EXT2: variants seen among roughly 807,000 people sequenced by gnomAD.
EXT2 encodes the protein exostosin glycosyltransferase 2.
Under a neutral mutation model 81.6 loss-of-function variants are expected in EXT2, and 53 were observed. That is an observed-to-expected ratio of 0.65 (90% CI 0.52 to 0.82). The LOEUF (loss-of-function observed/expected upper bound fraction) is 0.82. Ranked by LOEUF, EXT2 falls within the 40% of genes least tolerant of loss-of-function variation. The pLI is 0.00. For missense variants in EXT2, 774 were observed against 910.2 expected (o/e 0.85, Z 1.93); for synonymous variants, 320 against 340.0 (o/e 0.94, Z 0.65).
intron 11 of EXT2, among the ~76,000 whole-genome samples, chr11:44,233,311 TAGAAA>T (rs1564986984): frequency 1.3e-5 from 2 of 152,192 alleles, no homozygotes; most frequent in African/African-American, 2.4e-5. Context: ...ATATGATTAA[TAGAAA>T]AGAAATGAGC....
Position 44,107,869 on chromosome 11 carries a change from T to G in EXT2, c.157T>G (p.Ser53Ala), listed in dbSNP as rs868252913. 2 of 1,614,014 alleles carry G rather than the reference T, an allele frequency of 1.2e-6. No individual in the cohort carries two copies. The highest frequency in any genetic ancestry group is 1.7e-6 in the Non-Finnish European group (2 of 1,180,028). The change falls in exon 2 of 14, where the codon TCA becomes GCA. Residue 53 changes from serine (S) to alanine (A), a missense_variant. Physicochemically the swap from Ser to Ala is moderately conservative, Grantham distance 99. Coordinates refer to ENST00000533608, the MANE Select transcript of EXT2 (RefSeq NM_207122.2). ...FQFWPHSIES[S>A]NDWNVEKRSI... ...GTTTTGGCCCCATTCTATCGAGTCC[T>G]CAAATGACTGGAATGTAGAGAAGCG...
intron 10 of EXT2, among the ~76,000 whole-genome samples, chr11:44,223,167 T>C (rs929416200): frequency 3.0e-4 from 46 of 152,248 alleles, no homozygotes; most frequent in African/African-American, 1.0e-3. Flanking sequence ...GGACCACTCA[T>C]ATATTGTTTT....
At chr11:44,113,889 G>C (rs1163794511) in intron 3 of EXT2, among the ~76,000 whole-genome samples, 2 of 152,154 alleles carry the variant, frequency 1.3e-5, no homozygotes, top group East Asian at 3.9e-4. Context: ...AATGGGATCT[G>C]AGGGAGGTAG....
rs1173914278 is a variant in EXT2 at position 44,246,089 on chromosome 11, G to T, written c.*1802G>T. 6.6e-6 allele frequency among the ~76,000 whole-genome samples: 1 copy of T among 152,162 alleles called. No individual in the cohort carries two copies. Among genetic ancestry groups the T allele is most frequent in the Non-Finnish European group, 1.5e-5 (1 of 68,034 alleles). On this transcript the variant is annotated 3_prime_UTR_variant, in exon 14 of 14. Coordinates refer to ENST00000533608, the MANE Select transcript of EXT2 (RefSeq NM_207122.2). ...GTATTCATAATATTGGGGACGATAT[G>T]GTAGAAAGCCAGGAAAAATATTTCT...
At chr11:44,148,176 T>G (rs1408579807) in intron 7 of EXT2, among the ~76,000 whole-genome samples, 1 of 152,106 alleles carries the variant, frequency 6.6e-6, no homozygotes, top group Non-Finnish European at 1.5e-5. Context: ...GAAATCAAGG[T>G]AGAAAGAGAT....
At chr11:44,100,837 C>T (rs897126337) in intron 1 of EXT2, among the ~76,000 whole-genome samples, 3 of 152,082 alleles carry the variant, frequency 2.0e-5, no homozygotes, top group Non-Finnish European at 1.5e-5. Context: ...GTGGAGGCAC[C>T]GAGAACTTTG....
At chr11:44,134,214 A>C (rs190167199) in intron 7 of EXT2, among the ~76,000 whole-genome samples, 1 of 152,350 alleles carries the variant, frequency 6.6e-6, no homozygotes. Context: ...CTGACTTCTC[A>C]GTTGGCCTTT....
In EXT2 at chr11:44,108,055, G is replaced by A. The variant is rs1470293557; in HGVS notation, c.343G>A (p.Val115Met). 7 of 1,614,162 alleles carry A rather than the reference G, an allele frequency of 4.3e-6. No individual in the cohort carries two copies. The highest frequency in any genetic ancestry group is 3.3e-5 in the Admixed American group (2 of 60,032). Reference protein sequence around the residue: ...KVYIYALKKYVDDFGVSVSNT... With the variant: ...KVYIYALKKYMDDFGVSVSNT... Reference sequence around the variant, plus strand: ...GTATATCTATGCTCTGAAAAAGTACGTGGATGACTTTGGCGTCTCTGTCAG... The same window carrying A: ...GTATATCTATGCTCTGAAAAAGTACATGGATGACTTTGGCGTCTCTGTCAG... The change falls in exon 2 of 14, where the codon GTG becomes ATG. Residue 115 changes from valine (V) to methionine (M), a missense_variant. Val to Met is a conservative substitution (Grantham distance 21). Around this residue, in one of 2 missense-constraint regions of EXT2, gnomAD observed 626 missense variants for 670.5 expected, o/e 0.93. Coordinates refer to ENST00000533608, the MANE Select transcript of EXT2 (RefSeq NM_207122.2).
chr11:44,215,276 C>T (rs1955704477), intron 10 of EXT2, among the ~76,000 whole-genome samples: 1 of 152,164 alleles, frequency 6.6e-6, no homozygotes, highest in Non-Finnish European at 1.5e-5. Flanking sequence ...GCCTTAGGTG[C>T]ATTTCCAGAT....
chr11:44,241,754 A>G (rs1013437533), intron 13 of EXT2, among the ~76,000 whole-genome samples: 8 of 152,254 alleles, frequency 5.3e-5, no homozygotes, highest in Non-Finnish European at 1.0e-4. Context: ...GGTTACTGAC[A>G]TGGTAGCTGG....
At chr11:44,184,703 A>C (rs1187386725) in intron 8 of EXT2, among the ~76,000 whole-genome samples, 1 of 152,334 alleles carries the variant, frequency 6.6e-6, no homozygotes, top group South Asian at 2.1e-4. Context: ...GTGAGCCGAG[A>C]TGGTGCCACT....
intron 9 of EXT2, among the ~76,000 whole-genome samples, chr11:44,201,984 A>G (rs1441030609): frequency 6.6e-6 from 1 of 152,308 alleles, no homozygotes; most frequent in East Asian, 1.9e-4. Flanking sequence ...TTAATTTGAC[A>G]AAGGGAAAAC....
At position 44,232,387 on chromosome 11, in the gene EXT2, A is replaced by G. The variant is rs1955909665; in HGVS notation, c.1697A>G (p.Tyr566Cys). ...GAATTTCCTGACCGGTTGGTGGGTTACCCGGGTCGTCTGCATCTCTGGGAC... is the reference window on the plus strand; with the variant it reads ...GAATTTCCTGACCGGTTGGTGGGTTGCCCGGGTCGTCTGCATCTCTGGGAC... Reference protein sequence around the residue: ...WREFPDRLVGYPGRLHLWDHE... With the variant: ...WREFPDRLVGCPGRLHLWDHE... The change falls in exon 11 of 14, where the codon TAC becomes TGC. Residue 566 changes from tyrosine to cysteine, a missense_variant. By Grantham distance (194) the Tyr-to-Cys change is radical (BLOSUM62 -2). Around this residue, in one of 2 missense-constraint regions of EXT2, gnomAD observed 148 missense variants for 239.7 expected, o/e 0.62. Transcript: ENST00000533608. The G allele has an allele frequency of 6.2e-7, 1 of 1,613,830 alleles. No homozygotes were observed. The highest frequency in any genetic ancestry group is 1.3e-5 in the African/African-American group (1 of 74,882).
At chr11:44,176,651 C>T (rs371187256) in intron 8 of EXT2, among the ~76,000 whole-genome samples, 1 of 152,224 alleles carries the variant, frequency 6.6e-6, no homozygotes, top group African/African-American at 2.4e-5. Flanking sequence ...TCTCCTCTTC[C>T]CTCAGAAATA....
Position 44,206,906 on chromosome 11 carries a change from A to AT in EXT2, c.1611dup (p.Asp538Ter). ...AATCGAGACAGAAGCTGTTCTGGCC[A>AT]TTGATGATGATATCATTATGCTGAC... On this transcript the variant is annotated frameshift_variant, in exon 10 of 14. Coordinates refer to ENST00000533608, the MANE Select transcript of EXT2 (RefSeq NM_207122.2). LOFTEE classifies it high-confidence loss of function. The AT allele has an allele frequency of 1.2e-6, 2 of 1,614,186 alleles. No homozygotes were observed. Among genetic ancestry groups the AT allele is most frequent in the African/African-American group, 2.7e-5 (2 of 75,060 alleles).
intron 7 of EXT2, among the ~76,000 whole-genome samples, chr11:44,154,323 C>T (rs1954831817): frequency 6.6e-6 from 1 of 152,084 alleles, no homozygotes; most frequent in East Asian, 1.9e-4. Context: ...GATCATCATT[C>T]TACCTTCTAT....
At chr11:44,227,134 C>T (rs1955846170) in intron 10 of EXT2, among the ~76,000 whole-genome samples, 1 of 152,190 alleles carries the variant, frequency 6.6e-6, no homozygotes, top group Admixed American at 6.5e-5. Context: ...AGATGGGCAC[C>T]ACCTGTTGTT....
chr11:44,119,169 T>TATATATATATATATATACACAC (rs1192115471), intron 4 of EXT2, among the ~76,000 whole-genome samples: 3 of 63,158 alleles, frequency 4.7e-5, no homozygotes, highest in Non-Finnish European at 6.3e-5. Flanking sequence ...TATATATATA[T>TATATATATATATATATACACAC]ACACATACAC....
At chr11:44,118,945 T>C (rs762041651) in intron 4 of EXT2, among the ~76,000 whole-genome samples, 1 of 151,548 alleles carries the variant, frequency 6.6e-6, no homozygotes, top group African/African-American at 2.4e-5. Context: ...ATTCATTTCT[T>C]TTTCTCTTTT....
Sources: allele counts gnomAD v4.1 joint callset (sites outside exome capture counted in the v4.1 genomes callset), GRCh38; gene constraint gnomAD v4.1.1; regional missense constraint gnomAD v4.1.1; transcripts MANE v1.5; gene names NCBI Gene and HGNC (gene_info 2026-07-23, HGNC 2026-07-21).